EDEM3: variants seen among roughly 807,000 people sequenced by gnomAD.
EDEM3 encodes the protein ER degradation-enhancing alpha-mannosidase-like protein 3.
Under a neutral mutation model 110.2 loss-of-function variants are expected in EDEM3, and 60 were observed. That is an observed-to-expected ratio of 0.54 (90% CI 0.44 to 0.67). The LOEUF is 0.67. Ranked by LOEUF, EDEM3 falls within the 30% of genes least tolerant of loss-of-function variation. The probability of loss-of-function intolerance (pLI) is 0.00; values close to 1 mark genes in which losing one functional copy is unlikely to be tolerated. For synonymous variants in EDEM3, 352 were observed against 382.9 expected (o/e 0.92, Z 0.94); for missense variants, 996 against 1,121.0 (o/e 0.89, Z 1.59).
chr1:184,709,136 A>T (rs1246220156), intron 16 of EDEM3, among the ~76,000 whole-genome samples: 2 of 152,202 alleles, frequency 1.3e-5, no homozygotes, highest in African/African-American at 4.8e-5. Flanking sequence ...TTAAAGAATG[A>T]TGATAGGTTT....
intron 4 of EDEM3, among the ~76,000 whole-genome samples, chr1:184,735,318 G>C (rs1571405097): frequency 6.6e-6 from 1 of 152,296 alleles, no homozygotes; most frequent in East Asian, 1.9e-4. Flanking sequence ...GATTTTAGTA[G>C]AGTGTCTGAC....
intron 12 of EDEM3, 152 bp from the exon 13 acceptor site, chr1:184,717,164 G>A: frequency 1.8e-6 from 1 of 558,174 alleles, no homozygotes; most frequent in East Asian, 3.4e-5. Flanking sequence ...CTGAAAAAAA[G>A]CTATGAATCT....
Position 184,708,344 on chromosome 1 carries a change from C to T in EDEM3, c.1846G>A (p.Ala616Thr). ...TCTTCAGCGTCGATTGAACTAGCAG[C>T]CTATGAAAAAAACAAATTCATTTTA... ...RVQLVQHAIQ[A>T]ASSIDAEDGL... Residue 616 changes from alanine (A) to threonine (T), a missense_variant and splice_region_variant, in exon 17 of 20, where the codon GCT (alanine) becomes ACT (threonine). Ala to Thr is a moderately conservative substitution (Grantham distance 58). This residue lies in a region of EDEM3 where 345 missense variants were observed against 402.0 expected (regional missense o/e 0.86). Coordinates refer to ENST00000318130, the MANE Select transcript of EDEM3 (RefSeq NM_025191.4). The T allele has an allele frequency of 6.2e-7, 1 of 1,603,326 alleles. No individual in the cohort carries two copies. Among genetic ancestry groups the T allele is most frequent in the Non-Finnish European group, 8.5e-7 (1 of 1,177,416 alleles).
chr1:184,715,949 G>C (rs116707808), intron 13 of EDEM3, among the ~76,000 whole-genome samples: 1,619 of 152,244 alleles, frequency 0.011, 22 homozygotes, highest in African/African-American at 0.036. Context: ...ATGGGTAGAT[G>C]ATGAGTGCTG....
rs12070355 is a variant in EDEM3, at chr1:184,711,480, C to T, written c.1691+243G>A. On this transcript the variant is annotated intron_variant, in intron 15 of 19. Coordinates refer to ENST00000318130, the MANE Select transcript of EDEM3 (RefSeq NM_025191.4). ...GTTACATGCTGCCCACTATTATTACCTTAGTTCATAAAATAAAAGATATAT... is the reference window on the plus strand; with the variant it reads ...GTTACATGCTGCCCACTATTATTACTTTAGTTCATAAAATAAAAGATATAT... 4.2e-3 allele frequency among the ~76,000 whole-genome samples: 635 copies of T among 152,148 alleles called. 5 individuals are homozygous for T. Among genetic ancestry groups the T allele is most frequent in the East Asian group, 0.036 (185 of 5,178 alleles).
intron 2 of EDEM3, among the ~76,000 whole-genome samples, chr1:184,746,161 C>G (rs967941002): frequency 3.3e-5 from 5 of 152,114 alleles, no homozygotes; most frequent in African/African-American, 1.2e-4. Flanking sequence ...ATAGTCATGC[C>G]AATAAGTGTT....
chr1:184,712,721 T>C (rs1650323423), intron 13 of EDEM3, 123 bp from the exon 14 acceptor site: 4 of 619,620 alleles, frequency 6.5e-6, no homozygotes, highest in Middle Eastern at 4.5e-4. Flanking sequence ...CAAAGAACTA[T>C]AGAATGTATC....
Position 184,726,407 on chromosome 1 carries a change from A to G in EDEM3, c.613-18T>C, listed in dbSNP as rs748132277. 10 of 1,610,346 alleles carry G rather than the reference A, an allele frequency of 6.2e-6. No homozygotes were observed. The highest frequency in any genetic ancestry group is 8.5e-6 in the Non-Finnish European group (10 of 1,178,152). On this transcript the variant is annotated intron_variant, in intron 6 of 19. Coordinates refer to ENST00000318130, the MANE Select transcript of EDEM3 (RefSeq NM_025191.4). ...AAATTAATCTGAATACAATTAGAAA[A>G]TTGTCATTAGCAGTTATCAAGACAA...
At chr1:184,739,287 TTTAA>T (rs1264212211) in intron 2 of EDEM3, among the ~76,000 whole-genome samples, 7 of 149,010 alleles carry the variant, frequency 4.7e-5, no homozygotes, top group Non-Finnish European at 1.0e-4. Flanking sequence ...TTAAATTCAT[TTTAA>T]TTATTAAAAT....
intron 6 of EDEM3, among the ~76,000 whole-genome samples, chr1:184,727,686 T>G (rs1238722954): frequency 1.3e-5 from 2 of 152,216 alleles, no homozygotes; most frequent in African/African-American, 2.4e-5. Flanking sequence ...AATGTTGTTC[T>G]CAGTACTGCC....
intron 2 of EDEM3, among the ~76,000 whole-genome samples, chr1:184,743,259 G>T (rs1224342810): frequency 3.3e-5 from 5 of 152,062 alleles, no homozygotes; most frequent in African/African-American, 1.2e-4. Context: ...TGCATACGTG[G>T]CAAATTAACA....
At chr1:184,746,434 A>T (rs551973230) in intron 2 of EDEM3, among the ~76,000 whole-genome samples, 1 of 152,354 alleles carries the variant, frequency 6.6e-6, no homozygotes, top group East Asian at 1.9e-4. Flanking sequence ...GGCAGGAAAT[A>T]AATAATAATG....
intron 9 of EDEM3, chr1:184,721,058 A>G (rs1650872432): frequency 2.5e-6 from 1 of 396,802 alleles, no homozygotes; most frequent in Admixed American, 4.8e-5. Flanking sequence ...TTATTGGCAG[A>G]TCTGCAAAGT....
rs181825273 is a variant in EDEM3, at chr1:184,731,598, A to G, written c.612+1239T>C. 9.2e-5 allele frequency among the ~76,000 whole-genome samples: 14 copies of G among 152,198 alleles called. No individual in the cohort carries two copies. The East Asian group carries it at 2.5e-3, about 27-fold the overall frequency. On this transcript the variant is annotated intron_variant, in intron 6 of 19. Transcript: ENST00000318130. ...TTTCCACTGGCTGTCCTTCCTCCTC[A>G]TGCCCTCCCTCTGTCCTGTGAGTTC...
intron 7 of EDEM3, 94 bp from the exon 8 acceptor site, chr1:184,723,950 G>T (rs1651050548): frequency 3.5e-6 from 3 of 859,744 alleles, no homozygotes; most frequent in African/African-American, 1.8e-5. Context: ...AAACTCAAAG[G>T]CCGATAGGAT....
intron 2 of EDEM3, 156 bp from the exon 3 acceptor site, chr1:184,737,867 AATG>A: frequency 4.7e-6 from 3 of 634,984 alleles, no homozygotes; most frequent in Non-Finnish European, 7.7e-6. Flanking sequence ...TTTAATTACA[AATG>A]TAATACATGC....
intron 11 of EDEM3, 74 bp from the exon 12 acceptor site, chr1:184,717,697 T>G: frequency 9.3e-7 from 1 of 1,080,770 alleles, no homozygotes; most frequent in Non-Finnish European, 1.3e-6. Flanking sequence ...ATATAGAATA[T>G]ATATAAATAG....
intron 9 of EDEM3, 93 bp downstream of exon 9, chr1:184,721,196 T>C: frequency 2.0e-6 from 2 of 996,812 alleles, no homozygotes. Flanking sequence ...ATTTTAAAAA[T>C]TATTTTTACA....
chr1:184,706,547 G>C, intron 18 of EDEM3, 96 bp downstream of exon 18: 1 of 1,225,092 alleles, frequency 8.2e-7, no homozygotes, highest in East Asian at 2.5e-5. Context: ...AAAAAACTAT[G>C]ACAAACTCTT....
Sources: allele counts gnomAD v4.1 joint callset (sites outside exome capture counted in the v4.1 genomes callset), GRCh38; gene constraint gnomAD v4.1.1; regional missense constraint gnomAD v4.1.1; transcripts MANE v1.5; gene names NCBI Gene and HGNC (gene_info 2026-07-23, HGNC 2026-07-21).